Variants in PDIA4 observed in about 807,000 individuals in gnomAD.
PDIA4 encodes the protein protein disulfide isomerase family A member 4.
PDIA4 carries 33 observed loss-of-function variants against 62.1 expected under a neutral mutation model. That is an observed-to-expected ratio of 0.53 (90% confidence interval 0.40 to 0.71). The LOEUF (loss-of-function observed/expected upper bound fraction) is 0.71, where lower values mean the gene tolerates loss of function less well. PDIA4 is among the 30% of genes least tolerant of loss of function. The pLI is 0.00. For synonymous variants in PDIA4, 341 were observed against 324.1 expected, an observed-to-expected ratio of 1.05 and a Z score of -0.56; for missense variants, 804 against 813.6, an observed-to-expected ratio of 0.99 and a Z score of 0.14.
At chr7:149,023,711 T>C (rs73745608) in intron 1 of PDIA4, among the ~76,000 whole-genome samples, 3 of 152,256 alleles carry the variant, frequency 2.0e-5, no homozygotes, top group Non-Finnish European at 2.9e-5. Context: ...GGGAAACTAA[T>C]TGGCTCGGTG....
In PDIA4 at chr7:149,011,826, C is replaced by A. The variant is rs754736434; in HGVS notation, c.979+20G>T. 3 of 1,543,736 alleles carry A rather than the reference C, an allele frequency of 1.9e-6. No homozygotes were observed. The South Asian group carries it at 3.8e-5, about 19-fold the overall frequency. On this transcript the variant is annotated intron_variant, in intron 6 of 9. Transcript: ENST00000652332. ...CCCAAGGCACGCACATTTTGTTCAG[C>A]CCAGAGGGCCACAACTCACCGGCAT...
chr7:149,022,284 T>C (rs899354710), intron 1 of PDIA4, among the ~76,000 whole-genome samples: 1 of 152,146 alleles, frequency 6.6e-6, no homozygotes, highest in Admixed American at 6.5e-5. Flanking sequence ...ATAACAAATA[T>C]AGAAATTGAT....
intron 3 of PDIA4, among the ~76,000 whole-genome samples, chr7:149,018,143 C>T (rs778214411): frequency 9.9e-5 from 15 of 152,072 alleles, no homozygotes; most frequent in Middle Eastern, 3.4e-3. Flanking sequence ...GCAGAAGAAT[C>T]GCTTGAACCC....
chr7:149,004,239 G>A (rs763181844), intron 9 of PDIA4, 30 bp from the exon 10 acceptor site: 21 of 1,591,368 alleles, frequency 1.3e-5, no homozygotes, highest in East Asian at 2.2e-5. Context: ...GGGAGGGGGC[G>A]TCAGTGCTGC....
chr7:149,013,735 C>T (rs1006134127), intron 4 of PDIA4, among the ~76,000 whole-genome samples: 25 of 152,130 alleles, frequency 1.6e-4, no homozygotes, highest in Admixed American at 1.5e-3. Context: ...CACAAAAACA[C>T]ATCAAAAGAC....
At chr7:149,012,031 G>C in intron 5 of PDIA4, 27 bp from the exon 6 acceptor site, 1 of 1,595,672 alleles carries the variant, frequency 6.3e-7, no homozygotes, top group African/African-American at 1.3e-5. Flanking sequence ...CGCCTGAGCA[G>C]GGGCACTAAG....
chr7:149,027,878 C>A, intron 1 of PDIA4: 1 of 477,042 alleles, frequency 2.1e-6, no homozygotes. Context: ...CTTGCTGTTC[C>A]AAAGAACTCG....
At position 149,006,945 on chromosome 7, in the gene PDIA4, G is replaced by A. The variant is rs1823778447; in HGVS notation, c.1132-892C>T. ...ATAGATCTTGAAGCGTCTACTGAAA[G>A]CTACAGACCCCTTTCCTGGAATATG... On this transcript the variant is annotated intron_variant, in intron 7 of 9. Coordinates refer to ENST00000652332, the MANE Select transcript of PDIA4 (RefSeq NM_004911.5). Among the ~76,000 whole-genome samples, 2 of 152,198 alleles carry A rather than the reference G, an allele frequency of 1.3e-5. 1 individual carries two copies. The highest frequency in any genetic ancestry group is 1.3e-4 in the Admixed American group (2 of 15,278).
At position 149,006,001 on chromosome 7, in the gene PDIA4, G is replaced by A. The variant is rs1167050626; in HGVS notation, c.1184C>T (p.Pro395Leu). Residue 395 changes from proline to leucine, a missense_variant, in exon 8 of 10, where the codon CCC (proline) becomes CTC (leucine). Transcript: ENST00000652332. Reference protein sequence around the residue: ...IKDFVLKYALPLVGHRKVSND... With the variant: ...IKDFVLKYALLLVGHRKVSND... ...TGACACCTTGCGGTGGCCAACCAGGGGCAGGGCGTACTTCAGCACGAAGTC... is the reference window on the plus strand; with the variant it reads ...TGACACCTTGCGGTGGCCAACCAGGAGCAGGGCGTACTTCAGCACGAAGTC... The A allele has an allele frequency of 1.3e-6, 2 of 1,550,336 alleles. No homozygotes were observed. Among genetic ancestry groups the A allele is most frequent in the Admixed American group, 2.2e-5 (1 of 45,646 alleles).
intron 1 of PDIA4, among the ~76,000 whole-genome samples, chr7:149,025,033 G>A (rs1824497978): frequency 7.6e-6 from 1 of 131,230 alleles, no homozygotes; most frequent in Non-Finnish European, 1.5e-5. Flanking sequence ...TGACGCCATT[G>A]CACTCCAGCC....
In PDIA4 at chr7:149,005,676, TC is replaced by T. The variant is rs369625759; in HGVS notation, c.1288+220del. ...TCCTCCAAGTCTCAGCTACGTCAAC[TC>T]TAAGAGGGTTCTGCACCTGAATCTA... On this transcript the variant is annotated intron_variant, in intron 8 of 9. Coordinates refer to ENST00000652332, the MANE Select transcript of PDIA4 (RefSeq NM_004911.5). Among the ~76,000 whole-genome samples, 45 of 152,214 alleles carry T rather than the reference TC, an allele frequency of 3.0e-4. No individual in the cohort carries two copies. In the East Asian group the frequency reaches 8.1e-3, roughly 28 times the overall value.
rs145078102 is a variant in PDIA4, at chr7:149,018,435, GTTTA to G, written c.475+553_475+556del. ...TCTGATGTCATTTCCTTACACTCCTGTTTATTTATTTTTTGAAACAGAGTCTCAT... is the reference window on the plus strand; with the variant it reads ...TCTGATGTCATTTCCTTACACTCCTGTTTATTTTTTGAAACAGAGTCTCAT... On this transcript the variant is annotated intron_variant, in intron 3 of 9. Transcript: ENST00000652332. Among the ~76,000 whole-genome samples the G allele has an allele frequency of 4.7e-3, 703 of 151,120 alleles. 5 individuals are homozygous for G. Among genetic ancestry groups the G allele is most frequent in the African/African-American group, 0.016 (640 of 41,230 alleles).
At chr7:149,017,136 A>G (rs949344049) in intron 3 of PDIA4, among the ~76,000 whole-genome samples, 13 of 152,086 alleles carry the variant, frequency 8.5e-5, no homozygotes, top group Non-Finnish European at 1.3e-4. Context: ...TCTTATGTCT[A>G]TGAGGACCGG....
chr7:149,007,643 C>G (rs554333976), intron 7 of PDIA4, among the ~76,000 whole-genome samples: 31 of 152,250 alleles, frequency 2.0e-4, no homozygotes, highest in Non-Finnish European at 3.8e-4. Flanking sequence ...GAGTGTGTCA[C>G]ACTCTAGGAG....
chr7:149,013,779 C>T (rs1824031701), intron 4 of PDIA4, among the ~76,000 whole-genome samples: 1 of 152,190 alleles, frequency 6.6e-6, no homozygotes, highest in Non-Finnish European at 1.5e-5. Flanking sequence ...GGATAATTAT[C>T]TTCTGAGGCA....
intron 4 of PDIA4, 63 bp downstream of exon 4, chr7:149,014,841 T>C: frequency 1.3e-6 from 2 of 1,535,514 alleles, no homozygotes; most frequent in Non-Finnish European, 1.8e-6. Context: ...GGCAGGGGCC[T>C]GCCACCCCGC....
At chr7:149,018,364 A>G (rs1286998142) in intron 3 of PDIA4, among the ~76,000 whole-genome samples, 1 of 152,122 alleles carries the variant, frequency 6.6e-6, no homozygotes, top group Non-Finnish European at 1.5e-5. Context: ...GACGCTTGCT[A>G]AACATTAAGA....
chr7:149,027,999 A>G, intron 1 of PDIA4: 1 of 557,902 alleles, frequency 1.8e-6, no homozygotes, highest in Non-Finnish European at 3.5e-6. Flanking sequence ...AAATCTGTAA[A>G]TTAAGGCGAA....
rs1436538087 is a variant in PDIA4 at position 149,012,186 on chromosome 7, A to C, written c.789T>G (p.Pro263=). 6.2e-7 allele frequency: 1 copy of C among 1,614,048 alleles called. No individual in the cohort carries two copies. Among genetic ancestry groups the C allele is most frequent in the East Asian group, 2.2e-5 (1 of 44,888 alleles). Residue 263 remains proline, a synonymous_variant, in exon 5 of 10, where the codon CCT becomes CCG. Coordinates refer to ENST00000652332, the MANE Select transcript of PDIA4 (RefSeq NM_004911.5). ...TTTCTCGTGGGCCGTTGTAGTCATA[A>C]GGCCTTCCTTTGCGGAAAATTTTCA... is the stretch of plus-strand genomic sequence containing the variant. The part of the protein sequence containing the change: ...PTLKIFRKGR[P]YDYNGPREKY...
Sources: gnomAD v4.1 joint callset for allele counts (sites outside exome capture counted in the v4.1 genomes callset) on GRCh38, gnomAD v4.1.1 for gene constraint, MANE v1.5 for transcripts, NCBI Gene and HGNC (gene_info 2026-07-23, HGNC 2026-07-21) for gene names.